Variants in PCDHGA11 observed in about 807,000 individuals in gnomAD.
PCDHGA11 encodes the protein protocadherin gamma-A11.
Under a neutral mutation model 60.4 loss-of-function variants are expected in PCDHGA11, and 39 were observed. That is an observed-to-expected ratio of 0.65 (90% CI 0.50 to 0.84). The LOEUF is 0.84. Among genes scored for constraint, PCDHGA11 ranks in the 40% least tolerant of loss-of-function variants. PCDHGA11 has a pLI of 0.00. For missense variants in PCDHGA11, 1,165 were observed against 1,197.7 expected (o/e 0.97, Z 0.40); for synonymous variants, 533 against 510.3 (o/e 1.04, Z -0.60).
At chr5:141,449,979 C>T (rs1382206842) in intron 1 of PCDHGA11, among the ~76,000 whole-genome samples, 1 of 148,862 alleles carries the variant, frequency 6.7e-6, no homozygotes, top group Non-Finnish European at 1.5e-5. Context: ...TCCAAAATAT[C>T]ACACATTGCA....
At chr5:141,495,149 G>A (rs1448841303) in intron 2 of PCDHGA11, among the ~76,000 whole-genome samples, 1 of 152,170 alleles carries the variant, frequency 6.6e-6, no homozygotes, top group Non-Finnish European at 1.5e-5. Context: ...CCAAAGGATG[G>A]TCTTAAGCTG....
chr5:141,460,921 T>C (rs984603258), intron 1 of PCDHGA11, among the ~76,000 whole-genome samples: 4 of 151,276 alleles, frequency 2.6e-5, no homozygotes, highest in African/African-American at 9.7e-5. Flanking sequence ...TGTATATATA[T>C]ATATGTGTGT....
In PCDHGA11 at chr5:141,456,564, A is replaced by G. The variant is rs1174191537; in HGVS notation, c.2433+32904A>G. ...TTGTAGCCACTCGGGGCTGAAGCCC[A>G]CATTTTCCCTGAGCCTGTCAATAAT... On this transcript the variant is annotated intron_variant, in intron 1 of 3. Coordinates refer to ENST00000398587, the MANE Select transcript of PCDHGA11 (RefSeq NM_018914.3). Among the ~76,000 whole-genome samples the G allele has an allele frequency of 2.6e-5, 4 of 152,338 alleles. No individual in the cohort carries two copies. The South Asian group carries it at 6.2e-4, about 24-fold the overall frequency.
At chr5:141,473,548 C>A (rs1158305951) in intron 1 of PCDHGA11, among the ~76,000 whole-genome samples, 3 of 152,118 alleles carry the variant, frequency 2.0e-5, no homozygotes, top group South Asian at 2.1e-4. Context: ...TAATGGAAGA[C>A]CTCTATTAGG....
intron 2 of PCDHGA11, among the ~76,000 whole-genome samples, chr5:141,496,839 AG>A (rs2099771805): frequency 1.3e-5 from 2 of 151,484 alleles, no homozygotes; most frequent in African/African-American, 4.9e-5. Context: ...CAGAACTCAT[AG>A]GCTTCCAGAC....
chr5:141,436,040 C>T (rs989038133), intron 1 of PCDHGA11, among the ~76,000 whole-genome samples: 1 of 152,060 alleles, frequency 6.6e-6, no homozygotes, highest in African/African-American at 2.4e-5. Context: ...TTTGTATTTA[C>T]ATTAGTTTTC....
chr5:141,441,155 T>A (rs2098229690), intron 1 of PCDHGA11: 1 of 152,230 alleles, frequency 6.6e-6, no homozygotes, highest in East Asian at 1.9e-4. Flanking sequence ...GACAATATCC[T>A]AGAGGCGATT....
chr5:141,470,476 A>G (rs1009129571), intron 1 of PCDHGA11, among the ~76,000 whole-genome samples: 7 of 152,128 alleles, frequency 4.6e-5, no homozygotes, highest in African/African-American at 1.7e-4. Context: ...GATATTACTA[A>G]CCCTCTGGGA....
In PCDHGA11 at chr5:141,423,544, C is replaced by G; in HGVS notation, c.2317C>G (p.Gln773Glu). ...GCAGAAGAGTCACCTGATTTTCCCC[C>G]AGCCCAACTATGGGGACACGCTCAT... ...DSQKSHLIFPQPNYGDTLISQ... is the reference protein window; with the variant it reads ...DSQKSHLIFPEPNYGDTLISQ... The change falls in exon 1 of 4, where the codon CAG becomes GAG. Residue 773 changes from glutamine (Q) to glutamate (E), a missense_variant. Transcript: ENST00000398587. The G allele has an allele frequency of 6.2e-7, 1 of 1,613,744 alleles. No individual in the cohort carries two copies. The highest frequency in any genetic ancestry group is 1.3e-5 in the African/African-American group (1 of 75,052).
intron 1 of PCDHGA11, chr5:141,427,726 T>C: frequency 8.7e-7 from 1 of 1,155,152 alleles, no homozygotes; most frequent in Non-Finnish European, 1.3e-6. Context: ...GACCTAGGGC[T>C]GAATGGCCAA....
At chr5:141,427,912 A>G in intron 1 of PCDHGA11, 1 of 1,577,806 alleles carries the variant, frequency 6.3e-7, no homozygotes, top group East Asian at 2.2e-5. Flanking sequence ...CTCAGCGCCA[A>G]CATGAGCCGG....
chr5:141,460,979 GTGTGTATATATATATA>G (rs2099004425), intron 1 of PCDHGA11, among the ~76,000 whole-genome samples: 1 of 134,290 alleles, frequency 7.4e-6, no homozygotes, highest in Non-Finnish European at 1.5e-5. Flanking sequence ...GTGTGTGTGT[GTGTGTATATATATATA>G]TGTGTATATA....
intron 3 of PCDHGA11, among the ~76,000 whole-genome samples, chr5:141,507,809 C>T (rs866898784): frequency 2.0e-5 from 3 of 152,206 alleles, no homozygotes; most frequent in Non-Finnish European, 2.9e-5. Flanking sequence ...CCCTGGGGAA[C>T]GGACCCTGGG....
intron 1 of PCDHGA11, among the ~76,000 whole-genome samples, chr5:141,462,355 A>T (rs1592773702): frequency 6.6e-6 from 1 of 152,226 alleles, no homozygotes; most frequent in East Asian, 1.9e-4. Context: ...AAAAATATAC[A>T]TTGTATAGTT....
At chr5:141,496,994 T>A (rs2099773177) in intron 2 of PCDHGA11, among the ~76,000 whole-genome samples, 1 of 151,862 alleles carries the variant, frequency 6.6e-6, no homozygotes, top group Non-Finnish European at 1.5e-5. Flanking sequence ...GAGACCAGCC[T>A]GGCAGCCAAC....
chr5:141,500,491 G>A (rs1595677531), intron 2 of PCDHGA11, among the ~76,000 whole-genome samples: 1 of 152,156 alleles, frequency 6.6e-6, no homozygotes, highest in East Asian at 1.9e-4. Context: ...TTACAGGCGT[G>A]AGCCACCGCG....
intron 1 of PCDHGA11, among the ~76,000 whole-genome samples, chr5:141,467,032 T>G (rs551565159): frequency 2.0e-5 from 3 of 152,164 alleles, no homozygotes; most frequent in Non-Finnish European, 2.9e-5. Flanking sequence ...GTTTTTGTTT[T>G]TTGTGTAATG....
In PCDHGA11 at chr5:141,477,157, CA is replaced by C. The variant is rs1240879989; in HGVS notation, c.2434-17648del. 2.5e-6 allele frequency: 4 copies of C among 1,614,064 alleles called. No homozygotes were observed. Among genetic ancestry groups the C allele is most frequent in the Non-Finnish European group, 3.4e-6 (4 of 1,180,046 alleles). ...TGGTGGAGGTTGTGGATGTGAATGACAACGCCCCGGAGATCACAGTCACCTC... is the reference window on the plus strand; with the variant it reads ...TGGTGGAGGTTGTGGATGTGAATGACACGCCCCGGAGATCACAGTCACCTC... On this transcript the variant is annotated intron_variant, in intron 1 of 3. Coordinates refer to ENST00000398587, the MANE Select transcript of PCDHGA11 (RefSeq NM_018914.3). This position sits in a 1 kb window ranked among gnomAD's most constrained non-coding sequence, Gnocchi z 4.9.
intron 1 of PCDHGA11, 60 bp downstream of exon 1, chr5:141,423,720 A>T: frequency 3.1e-6 from 3 of 957,770 alleles, no homozygotes; most frequent in Admixed American, 5.5e-5. Context: ...TTTTAAGGAG[A>T]TGTTTTTTGA....
Sources: allele counts gnomAD v4.1 joint callset (sites outside exome capture counted in the v4.1 genomes callset), GRCh38; gene constraint gnomAD v4.1.1; non-coding constraint Gnocchi (gnomAD v3.1); transcripts MANE v1.5; gene names NCBI Gene and HGNC (gene_info 2026-07-23, HGNC 2026-07-21).